The following PTPRD variants were observed in gnomAD, a reference collection of about 807,000 sequenced individuals.
PTPRD encodes protein tyrosine phosphatase receptor type D.
A neutral mutation model predicts 214.5 loss-of-function variants in PTPRD; 34 were observed. The ratio of observed to expected loss-of-function variants is 0.16; its 90% CI spans 0.12 to 0.21. The LOEUF (loss-of-function observed/expected upper bound fraction) is 0.21, where lower values mean the gene tolerates loss of function less well. Ranked by LOEUF, PTPRD falls within the 10% of genes least tolerant of loss-of-function variation. The probability of loss-of-function intolerance (pLI) is 1.00; values close to 1 mark genes in which losing one functional copy is unlikely to be tolerated. For missense variants in PTPRD, 2,545 were observed against 2,398.7 expected (o/e 1.06, Z -1.27); for synonymous variants, 1,128 against 845.7 (o/e 1.33, Z -5.79).
At chr9:8,552,046 T>C (rs545398170) in intron 14 of PTPRD, among the ~76,000 whole-genome samples, 1 of 152,168 alleles carries the variant, frequency 6.6e-6, no homozygotes, top group Non-Finnish European at 1.5e-5. Flanking sequence ...ATACCCACCA[T>C]ATATTTTAAA....
intron 5 of PTPRD, among the ~76,000 whole-genome samples, chr9:9,833,385 G>A (rs1599119691): frequency 6.6e-6 from 1 of 152,040 alleles, no homozygotes; most frequent in Admixed American, 6.6e-5. Context: ...TATACGAATA[G>A]GTGTGGGTGA....
chr9:9,947,513 A>C (rs372906026), intron 4 of PTPRD, among the ~76,000 whole-genome samples: 39 of 21,378 alleles, frequency 1.8e-3, no homozygotes, highest in East Asian at 0.01. Context: ...TATATATATA[A>C]TATATATATT....
At chr9:9,927,131 C>G (rs989511931) in intron 5 of PTPRD, among the ~76,000 whole-genome samples, 1 of 152,036 alleles carries the variant, frequency 6.6e-6, no homozygotes, top group Admixed American at 6.6e-5. Flanking sequence ...ATATACTTAA[C>G]CAGTATAAAA....
At chr9:8,799,834 C>T (rs1231583015) in intron 11 of PTPRD, among the ~76,000 whole-genome samples, 1 of 152,044 alleles carries the variant, frequency 6.6e-6, no homozygotes, top group Non-Finnish European at 1.5e-5. Context: ...GTTTTGATCT[C>T]CCAACTCCCC....
At chr9:8,372,773 T>C (rs1204164926) in intron 39 of PTPRD, among the ~76,000 whole-genome samples, 1 of 152,050 alleles carries the variant, frequency 6.6e-6, no homozygotes, top group Non-Finnish European at 1.5e-5. Context: ...AGAATTTCTT[T>C]TACTTAATGG....
At position 8,757,041 on chromosome 9, in the gene PTPRD, C is replaced by A. The variant is rs142106078; in HGVS notation, c.-103-23095G>T. On this transcript the variant is annotated intron_variant, in intron 11 of 45. Transcript: ENST00000381196. ...CCTGTAATCCCAGCTACTCGGGAGG[C>A]TGAGGCAGGAGACTCACTTGAACCT... Among the ~76,000 whole-genome samples the A allele has an allele frequency of 6.3e-3, 958 of 152,226 alleles. 7 individuals are homozygous for A. Among genetic ancestry groups the A allele is most frequent in the Middle Eastern group, 0.054 (16 of 294 alleles).
At chr9:9,648,002 C>T (rs1174899549) in intron 7 of PTPRD, among the ~76,000 whole-genome samples, 2 of 152,054 alleles carry the variant, frequency 1.3e-5, no homozygotes, top group Non-Finnish European at 2.9e-5. Flanking sequence ...AAAAACTATT[C>T]CTTAAACATA....
chr9:9,286,091 G>T (rs1279284348), intron 9 of PTPRD, among the ~76,000 whole-genome samples: 2 of 151,680 alleles, frequency 1.3e-5, no homozygotes, highest in Admixed American at 1.3e-4. Flanking sequence ...TAAATTTTCT[G>T]TGGTAAATTC....
intron 33 of PTPRD, among the ~76,000 whole-genome samples, chr9:8,456,537 T>C (rs1339317309): frequency 2.0e-5 from 3 of 152,110 alleles, no homozygotes; most frequent in East Asian, 3.9e-4. Context: ...TCCAGTATGG[T>C]TGGGTGTGGC....
intron 3 of PTPRD, among the ~76,000 whole-genome samples, chr9:10,201,643 C>A (rs573155132): frequency 2.4e-4 from 37 of 151,798 alleles, no homozygotes; most frequent in African/African-American, 8.0e-4. Context: ...TCTTGATAGA[C>A]AATTATTTTG....
intron 9 of PTPRD, among the ~76,000 whole-genome samples, chr9:9,394,765 G>A (rs566785606): frequency 1.9e-4 from 29 of 152,176 alleles, no homozygotes; most frequent in Middle Eastern, 3.4e-3. Flanking sequence ...AAAGTCAAGA[G>A]AGATGGTGTT....
chr9:9,396,617 T>G (rs1007226622), intron 9 of PTPRD, among the ~76,000 whole-genome samples: 1 of 151,972 alleles, frequency 6.6e-6, no homozygotes, highest in East Asian at 1.9e-4. Context: ...GCTCCCACTC[T>G]GGCCATTTCT....
At chr9:8,421,424 C>T (rs1589977474) in intron 35 of PTPRD, among the ~76,000 whole-genome samples, 1 of 147,942 alleles carries the variant, frequency 6.8e-6, no homozygotes, top group East Asian at 2.0e-4. Context: ...GTATTAATTC[C>T]AGAAAATTTT....
intron 5 of PTPRD, among the ~76,000 whole-genome samples, chr9:9,817,559 G>C (rs1198777708): frequency 7.2e-5 from 11 of 152,104 alleles, no homozygotes; most frequent in South Asian, 6.2e-4. Context: ...CTTTTGTCCT[G>C]TATTTACACA....
intron 12 of PTPRD, among the ~76,000 whole-genome samples, chr9:8,680,233 G>A (rs1253133218): frequency 6.6e-6 from 1 of 152,074 alleles, no homozygotes; most frequent in Admixed American, 6.6e-5. Context: ...AGAAGCAAAA[G>A]CGCTAACACT....
intron 11 of PTPRD, among the ~76,000 whole-genome samples, chr9:8,760,916 C>G (rs2094374093): frequency 2.0e-5 from 3 of 152,132 alleles, no homozygotes; most frequent in Admixed American, 6.6e-5. Context: ...AGTTCCACTT[C>G]TATTTCTAGT....
intron 2 of PTPRD, among the ~76,000 whole-genome samples, chr9:10,553,494 A>G (rs2061801268): frequency 6.6e-6 from 1 of 152,170 alleles, no homozygotes; most frequent in South Asian, 2.1e-4. Context: ...GTATACCTCC[A>G]GAGATTTTTC....
chr9:9,614,158 G>T (rs1022722976), intron 7 of PTPRD, among the ~76,000 whole-genome samples: 2 of 151,612 alleles, frequency 1.3e-5, no homozygotes, highest in Admixed American at 6.6e-5. Context: ...TATAGATAAA[G>T]AAATTAGAGG....
At chr9:8,644,572 C>A (rs2096647072) in intron 12 of PTPRD, among the ~76,000 whole-genome samples, 1 of 152,202 alleles carries the variant, frequency 6.6e-6, no homozygotes, top group Non-Finnish European at 1.5e-5. Context: ...CCTGGGAGCT[C>A]CCCAAGCCAG....
Sources: gnomAD v4.1 joint callset for allele counts (sites outside exome capture counted in the v4.1 genomes callset) on GRCh38, gnomAD v4.1.1 for gene constraint, MANE v1.5 for transcripts, NCBI Gene and HGNC (gene_info 2026-07-23, HGNC 2026-07-21) for gene names.